The following IL16 variants were observed in gnomAD, a reference collection of about 807,000 sequenced individuals.
The protein encoded by IL16 is pro-interleukin-16.
Under a neutral mutation model 110.1 loss-of-function variants are expected in IL16, and 67 were observed. The observed-to-expected ratio is 0.61, with a 90% CI of 0.50 to 0.75. The LOEUF is 0.75. IL16 is among the 30% of genes least tolerant of loss of function. The pLI is 0.00. For missense variants in IL16, 1,545 were observed against 1,655.0 expected, an observed-to-expected ratio of 0.93 and a Z score of 1.15; for synonymous variants, 689 against 662.9, an observed-to-expected ratio of 1.04 and a Z score of -0.61.
At chr15:81,229,276 A>G (rs1214490159) in intron 2 of IL16, among the ~76,000 whole-genome samples, 4 of 152,244 alleles carry the variant, frequency 2.6e-5, no homozygotes, top group African/African-American at 7.2e-5. Flanking sequence ...AGGAGGGCAG[A>G]CAGTGTGGGG....
intron 10 of IL16, chr15:81,289,850 T>A (rs1203918038): frequency 4.8e-6 from 2 of 417,422 alleles, no homozygotes; most frequent in Non-Finnish European, 9.3e-6. Context: ...AATTTATTTT[T>A]AAAAAACCTG....
chr15:81,285,949 A>C, intron 10 of IL16, 119 bp downstream of exon 10: 1 of 1,053,494 alleles, frequency 9.5e-7, no homozygotes, highest in Non-Finnish European at 1.4e-6. Flanking sequence ...AATTCCCAAG[A>C]ATCCCTTCCA....
intron 1 of IL16, among the ~76,000 whole-genome samples, chr15:81,210,480 T>G (rs1896198471): frequency 6.6e-6 from 1 of 152,262 alleles, no homozygotes; most frequent in Non-Finnish European, 1.5e-5. Context: ...ATATTGATTC[T>G]TCCAGTCCAT....
At chr15:81,258,905 A>C (rs1164647119) in intron 2 of IL16, among the ~76,000 whole-genome samples, 1 of 152,174 alleles carries the variant, frequency 6.6e-6, no homozygotes, top group African/African-American at 2.4e-5. Context: ...AAGTTATAAA[A>C]TAGAATAACA....
intron 6 of IL16, among the ~76,000 whole-genome samples, chr15:81,274,117 C>T (rs1433618975): frequency 6.6e-6 from 1 of 152,208 alleles, no homozygotes; most frequent in East Asian, 1.9e-4. Context: ...ATAGCATTTT[C>T]ACTCTTCTCT....
At chr15:81,205,192 G>A (rs138313020) in intron 1 of IL16, among the ~76,000 whole-genome samples, 1,687 of 151,834 alleles carry the variant, frequency 0.011, 16 homozygotes, top group Middle Eastern at 0.031. Context: ...TGTCATCCCA[G>A]CTACTCGGGA....
chr15:81,230,791 A>G (rs546842726), intron 2 of IL16, among the ~76,000 whole-genome samples: 1 of 152,218 alleles, frequency 6.6e-6, no homozygotes, highest in Non-Finnish European at 1.5e-5. Context: ...AAGCAATCTT[A>G]GAAATCAGCA....
chr15:81,279,513 C>G, intron 7 of IL16, 45 bp from the exon 8 acceptor site: 1 of 1,408,858 alleles, frequency 7.1e-7, no homozygotes, highest in East Asian at 2.3e-5. Context: ...CTTCATCTCA[C>G]CCTGGATTGC....
Position 81,279,578 on chromosome 15 carries a change from C to T in IL16, c.885C>T (p.Leu295=), listed in dbSNP as rs1194576405. 2.5e-6 allele frequency: 4 copies of T among 1,613,210 alleles called. No homozygotes were observed. The highest frequency in any genetic ancestry group is 3.4e-6 in the Non-Finnish European group (4 of 1,179,956). The change falls in exon 8 of 19, where the codon CTC becomes CTT. Residue 295 remains leucine (L), a synonymous_variant. Transcript: ENST00000683961. ...QKFKQAKKGL[L]TLTVRTRLTA... ...TTCAGCAAGCCAAAAAGGGGCTCCT[C>T]ACCCTCACCGTGAGAACCCGCCTGA...
At chr15:81,256,250 A>G (rs772000841) in intron 2 of IL16, among the ~76,000 whole-genome samples, 30 of 151,820 alleles carry the variant, frequency 2.0e-4, no homozygotes, top group Non-Finnish European at 3.5e-4. Flanking sequence ...ACATGATTGT[A>G]GTCAGTCATC....
chr15:81,198,185 T>C (rs1399224452), intron 1 of IL16, among the ~76,000 whole-genome samples: 1 of 152,094 alleles, frequency 6.6e-6, no homozygotes, highest in Non-Finnish European at 1.5e-5. Flanking sequence ...CCCCAGTGAG[T>C]CTTTTAAATA....
At chr15:81,210,583 C>T (rs779576896) in intron 1 of IL16, among the ~76,000 whole-genome samples, 31 of 151,858 alleles carry the variant, frequency 2.0e-4, no homozygotes, top group Non-Finnish European at 4.1e-4. Flanking sequence ...TCACCTTCTT[C>T]GTTATTCATT....
intron 2 of IL16, among the ~76,000 whole-genome samples, chr15:81,237,585 A>T (rs549158740): frequency 2.0e-5 from 3 of 152,176 alleles, no homozygotes; most frequent in Non-Finnish European, 4.4e-5. Context: ...CCTTACCGTT[A>T]ACTTTGAGAT....
At chr15:81,292,396 C>T in intron 11 of IL16, 160 bp from the exon 12 acceptor site, 3 of 1,060,146 alleles carry the variant, frequency 2.8e-6, no homozygotes, top group East Asian at 2.4e-5. Context: ...TCGCCAGGGA[C>T]CAACACCAAG....
In IL16 at chr15:81,304,046, G is replaced by A. The variant is rs574719363; in HGVS notation, c.3420+396G>A. Among the ~76,000 whole-genome samples, 7 of 152,220 alleles carry A rather than the reference G, an allele frequency of 4.6e-5. No homozygotes were observed. In the South Asian group the frequency reaches 1.5e-3, roughly 32 times the overall value. ...TTGTCTCAGGGTATCCTTTGTGTAG[G>A]CTGTGCTGGGCTCATTTGAATTTCC... is the stretch of plus-strand genomic sequence containing the variant. On this transcript the variant is annotated intron_variant, in intron 16 of 18. Coordinates refer to ENST00000683961, the MANE Select transcript of IL16 (RefSeq NM_172217.5).
chr15:81,275,248 G>A (rs1021420548), intron 6 of IL16, among the ~76,000 whole-genome samples: 4 of 151,016 alleles, frequency 2.6e-5, no homozygotes, highest in Non-Finnish European at 4.4e-5. Context: ...GTCCAGCAGG[G>A]AAATGACATC....
intron 2 of IL16, among the ~76,000 whole-genome samples, chr15:81,251,816 GT>G (rs1193043220): frequency 6.6e-6 from 1 of 151,806 alleles, no homozygotes; most frequent in African/African-American, 2.4e-5. Flanking sequence ...TATAGACACT[GT>G]TTCTGGAAAA....
chr15:81,255,784 G>A (rs1897924284), intron 2 of IL16, among the ~76,000 whole-genome samples: 1 of 142,656 alleles, frequency 7.0e-6, no homozygotes, highest in Non-Finnish European at 1.5e-5. Context: ...GCGGGGCAGG[G>A]AGAGGCTCCA....
At chr15:81,184,689 CT>C (rs1895393254) in intron 1 of IL16, among the ~76,000 whole-genome samples, 1 of 152,232 alleles carries the variant, frequency 6.6e-6, no homozygotes. Context: ...ACAGTGCCTT[CT>C]TTCTCTGAGT....
Sources: allele counts gnomAD v4.1 joint callset (sites outside exome capture counted in the v4.1 genomes callset), GRCh38; gene constraint gnomAD v4.1.1; transcripts MANE v1.5; gene names NCBI Gene and HGNC (gene_info 2026-07-23, HGNC 2026-07-21).